C19orf18: variants seen among roughly 807,000 people sequenced by gnomAD.
The protein encoded by C19orf18 is chromosome 19 open reading frame 18.
C19orf18 carries 21 observed loss-of-function variants against 23.3 expected under a neutral mutation model. That is an observed-to-expected ratio of 0.90 (90% CI 0.64 to 1.30). The LOEUF (loss-of-function observed/expected upper bound fraction) is 1.30, where lower values mean the gene tolerates loss of function less well. C19orf18 is among the 50% of genes most tolerant of loss of function. The pLI is 0.00. For synonymous variants in C19orf18, 96 were observed against 95.2 expected (o/e 1.01, Z -0.05); for missense variants, 249 against 259.6 (o/e 0.96, Z 0.28).
At chr19:57,964,089 T>C (rs1424356320) in intron 4 of C19orf18, among the ~76,000 whole-genome samples, 1 of 152,122 alleles carries the variant, frequency 6.6e-6, no homozygotes, top group Non-Finnish European at 1.5e-5. Context: ...TGTTTTCGTT[T>C]TGGTTTTGGT....
intron 1 of C19orf18, 34 bp downstream of exon 1, chr19:57,974,278 C>A: frequency 6.2e-7 from 1 of 1,613,948 alleles, no homozygotes; most frequent in South Asian, 1.1e-5. Flanking sequence ...TTTCAATTCT[C>A]CCTGAGTCAC....
intron 4 of C19orf18, among the ~76,000 whole-genome samples, chr19:57,961,760 G>A (rs1273687701): frequency 6.6e-6 from 1 of 152,124 alleles, no homozygotes; most frequent in African/African-American, 2.4e-5. Context: ...TCATCCCAAA[G>A]CATGGATCAA....
At chr19:57,969,083 C>T (rs2072926541) in intron 3 of C19orf18, among the ~76,000 whole-genome samples, 1 of 152,142 alleles carries the variant, frequency 6.6e-6, no homozygotes, top group African/African-American at 2.4e-5. Flanking sequence ...CCTTGCTCAC[C>T]CTCACTCCCT....
At position 57,972,623 on chromosome 19, in the gene C19orf18, T is replaced by G. The variant is rs112541740; in HGVS notation, c.227-119A>C. 5.6e-5 allele frequency: 61 copies of G among 1,085,810 alleles called. 2 individuals are homozygous for G. The highest frequency in any genetic ancestry group is 5.2e-4 in the African/African-American group (33 of 63,526). The allele number at this position is 1,085,810 out of a possible 1,614,324, so 67.3% of individuals were successfully genotyped here. On this transcript the variant is annotated intron_variant, in intron 2 of 5. Transcript: ENST00000314391. ...GGACGCCGAACACACAGCTTCCAAATATCTAAGATGGGATGTGTTAATACA... is the reference window on the plus strand; with the variant it reads ...GGACGCCGAACACACAGCTTCCAAAGATCTAAGATGGGATGTGTTAATACA...
intron 5 of C19orf18, among the ~76,000 whole-genome samples, chr19:57,959,876 G>A (rs1343179999): frequency 1.3e-5 from 2 of 151,526 alleles, no homozygotes; most frequent in African/African-American, 2.4e-5. Flanking sequence ...TTGGGAGGCC[G>A]AGGCGGGTGG....
chr19:57,972,340 C>T (rs2123236537), intron 3 of C19orf18, 123 bp downstream of exon 3: 10 of 1,176,752 alleles, frequency 8.5e-6, no homozygotes, highest in Admixed American at 5.1e-5. Context: ...CCTTGTCTAA[C>T]ACACATGAAG....
intron 2 of C19orf18, 143 bp from the exon 3 acceptor site, chr19:57,972,647 C>A: frequency 1.1e-6 from 1 of 895,326 alleles, no homozygotes; most frequent in Non-Finnish European, 1.7e-6. Flanking sequence ...TGTGTTAATA[C>A]ATTCCTCCCA....
chr19:57,961,587 T>A, intron 4 of C19orf18, 36 bp from the exon 5 acceptor site: 1 of 1,599,358 alleles, frequency 6.3e-7, no homozygotes, highest in Non-Finnish European at 8.5e-7. Flanking sequence ...GAAGCACAGT[T>A]TTCATGATGA....
chr19:57,967,834 C>T (rs1327452001), intron 3 of C19orf18, among the ~76,000 whole-genome samples: 2 of 141,232 alleles, frequency 1.4e-5, no homozygotes, highest in African/African-American at 5.6e-5. Context: ...ACGGCGAAAC[C>T]CCATCTCTAA....
At chr19:57,972,685 T>G (rs1467251616) in intron 2 of C19orf18, among the ~76,000 whole-genome samples, 181 bp from the exon 3 acceptor site, 1 of 152,196 alleles carries the variant, frequency 6.6e-6, no homozygotes, top group East Asian at 1.9e-4. Context: ...GTGGGTTAAT[T>G]TGCAGAAGCC....
At chr19:57,967,399 A>G (rs1407756145) in intron 3 of C19orf18, among the ~76,000 whole-genome samples, 1 of 152,180 alleles carries the variant, frequency 6.6e-6, no homozygotes, top group East Asian at 1.9e-4. Flanking sequence ...GAATCGTGAT[A>G]CTACGGTGCC....
Position 57,961,428 on chromosome 19 carries a change from T to C in C19orf18, c.495A>G (p.Pro165=), listed in dbSNP as rs765676641. The C allele has an allele frequency of 1.1e-5, 18 of 1,613,918 alleles. No individual in the cohort carries two copies. Among genetic ancestry groups the C allele is most frequent in the Middle Eastern group, 1.6e-4 (1 of 6,082 alleles). ...ACTTTTCCAGCTCATTTTCGTTCTC[T>C]GGAAGTAGGTGCGTGGACTCACCCT... ...EDEGESTHLL[P]ENENELEKFI... is the part of the protein sequence containing the mutation. The change falls in exon 5 of 6, where the codon CCA becomes CCG. Residue 165 remains proline, a synonymous_variant. Coordinates refer to ENST00000314391, the MANE Select transcript of C19orf18 (RefSeq NM_152474.5).
At chr19:57,972,606 A>G (rs1239328092) in intron 2 of C19orf18, 102 bp from the exon 3 acceptor site, 2 of 1,255,466 alleles carry the variant, frequency 1.6e-6, no homozygotes, top group African/African-American at 3.0e-5. Flanking sequence ...AAGGACGCCG[A>G]ACACACAGCT....
chr19:57,965,117 T>TTTTATTTATTTATTTATTTA (rs59561103), intron 4 of C19orf18, among the ~76,000 whole-genome samples: 2,042 of 146,026 alleles, frequency 0.014, 15 homozygotes, highest in Middle Eastern at 0.024. Context: ...GTTCTTTTTA[T>TTTTATTTATTTATTTATTTA]TTTATTTATT....
intron 3 of C19orf18, among the ~76,000 whole-genome samples, chr19:57,971,870 T>A (rs759530287): frequency 6.6e-6 from 1 of 152,130 alleles, no homozygotes; most frequent in Non-Finnish European, 1.5e-5. Context: ...GACCCGTGAG[T>A]ATCAGGCTTC....
intron 4 of C19orf18, among the ~76,000 whole-genome samples, chr19:57,962,593 C>T (rs570279058): frequency 9.2e-5 from 14 of 152,232 alleles, no homozygotes; most frequent in African/African-American, 3.1e-4. Context: ...CGGTGGCTCA[C>T]GCCAGTAATC....
chr19:57,971,338 C>A (rs2072943263), intron 3 of C19orf18, among the ~76,000 whole-genome samples: 1 of 151,994 alleles, frequency 6.6e-6, no homozygotes, highest in Non-Finnish European at 1.5e-5. Flanking sequence ...TCCAGGCCAC[C>A]ATCCCCTGCC....
At chr19:57,961,681 G>C (rs932404034) in intron 4 of C19orf18, 130 bp from the exon 5 acceptor site, 2 of 973,678 alleles carry the variant, frequency 2.1e-6, no homozygotes, top group African/African-American at 3.3e-5. Flanking sequence ...TTTGAAACCA[G>C]ACTAATCATG....
rs1324009308 is a variant in C19orf18 at position 57,972,392 on chromosome 19, C to T, written c.268+71G>A. On this transcript the variant is annotated intron_variant, in intron 3 of 5. Transcript: ENST00000314391. ...CTCCTTGGTGACCAGCCAGCACCCT[C>T]TGGAGCCACACATCACGACAGCTTC... The T allele has an allele frequency of 3.4e-5, 54 of 1,566,888 alleles. No homozygotes were observed. In the Middle Eastern group the frequency reaches 5.4e-4, roughly 16 times the overall value.
Sources: allele counts gnomAD v4.1 joint callset (sites outside exome capture counted in the v4.1 genomes callset), GRCh38; gene constraint gnomAD v4.1.1; transcripts MANE v1.5; gene names NCBI Gene and HGNC (gene_info 2026-07-23, HGNC 2026-07-21).